CADPS: variants seen among roughly 807,000 people sequenced by gnomAD.
CADPS encodes the protein calcium-dependent secretion activator 1.
CADPS carries 57 observed loss-of-function variants against 167.3 expected under a neutral mutation model. That is an observed-to-expected ratio of 0.34 (90% CI 0.28 to 0.42). The LOEUF (loss-of-function observed/expected upper bound fraction) is 0.42, where lower values mean the gene tolerates loss of function less well. Among genes scored for constraint, CADPS ranks in the 20% least tolerant of loss-of-function variants. CADPS has a pLI of 1.00. For synonymous variants in CADPS, 676 were observed against 635.3 expected (o/e 1.06, Z -0.96); for missense variants, 1,414 against 1,738.1 (o/e 0.81, Z 3.32).
At chr3:62,573,085 T>C (rs1333805472) in intron 8 of CADPS, among the ~76,000 whole-genome samples, 1 of 152,178 alleles carries the variant, frequency 6.6e-6, no homozygotes, top group African/African-American at 2.4e-5. Context: ...TTTCACCATG[T>C]TGACTAGGCT....
chr3:62,757,475 G>C (rs955448280), intron 2 of CADPS, among the ~76,000 whole-genome samples: 5 of 152,100 alleles, frequency 3.3e-5, no homozygotes, highest in African/African-American at 1.2e-4. Context: ...TGGAATGAGT[G>C]AATGAACTAT....
intron 11 of CADPS, among the ~76,000 whole-genome samples, chr3:62,546,267 C>T (rs2076433226): frequency 6.6e-6 from 1 of 151,940 alleles, no homozygotes; most frequent in Admixed American, 6.6e-5. Flanking sequence ...TTCTTTACAA[C>T]TATGTTATGA....
At chr3:62,572,552 G>C (rs1311109071) in intron 8 of CADPS, among the ~76,000 whole-genome samples, 1 of 152,012 alleles carries the variant, frequency 6.6e-6, no homozygotes, top group Non-Finnish European at 1.5e-5. Context: ...TATATGAAAA[G>C]TGCCTCAAAC....
chr3:62,703,057 G>A (rs2081699493), intron 3 of CADPS, among the ~76,000 whole-genome samples: 2 of 152,066 alleles, frequency 1.3e-5, no homozygotes, highest in African/African-American at 4.8e-5. Context: ...TCATAATTAT[G>A]TCAGAATTCT....
chr3:62,510,357 G>A (rs1003370373), intron 17 of CADPS, among the ~76,000 whole-genome samples: 1 of 152,106 alleles, frequency 6.6e-6, no homozygotes, highest in Non-Finnish European at 1.5e-5. Flanking sequence ...CAGTGGAATC[G>A]TTATGATGCT....
chr3:62,599,743 ATAATC>A (rs375861661), intron 6 of CADPS, among the ~76,000 whole-genome samples: 2,906 of 35,004 alleles, frequency 0.083, 411 homozygotes, highest in Middle Eastern at 0.13. Context: ...TATAATATAT[ATAATC>A]TATTATATAT....
At position 62,543,823 on chromosome 3, in the gene CADPS, C is replaced by T. The variant is rs111978011; in HGVS notation, c.1966+6080G>A. Among the ~76,000 whole-genome samples, 438 of 152,192 alleles carry T rather than the reference C, an allele frequency of 2.9e-3. 4 individuals are homozygous for T. Among genetic ancestry groups the T allele is most frequent in the African/African-American group, 0.01 (416 of 41,532 alleles). On this transcript the variant is annotated intron_variant, in intron 11 of 29. Transcript: ENST00000383710. Reference sequence around the variant, plus strand: ...TCTAACGTCAAGTCTTTCCTCAACACATTTTTGGTTGATAGTTTTTTCCTA... The same window carrying T: ...TCTAACGTCAAGTCTTTCCTCAACATATTTTTGGTTGATAGTTTTTTCCTA...
intron 9 of CADPS, among the ~76,000 whole-genome samples, chr3:62,570,073 T>G (rs1373629799): frequency 2.0e-5 from 3 of 152,112 alleles, no homozygotes; most frequent in Non-Finnish European, 4.4e-5. Flanking sequence ...CCTGCAGCCT[T>G]GTTAAGAATA....
At chr3:62,468,165 A>G (rs1397716270) in intron 24 of CADPS, among the ~76,000 whole-genome samples, 1 of 152,206 alleles carries the variant, frequency 6.6e-6, no homozygotes, top group Non-Finnish European at 1.5e-5. Flanking sequence ...AGAAACACAA[A>G]GAAAGATGTC....
Position 62,517,846 on chromosome 3 carries a change from T to C in CADPS, c.2393+303A>G, listed in dbSNP as rs57781621. On this transcript the variant is annotated intron_variant, in intron 14 of 29. Transcript: ENST00000383710. ...GTTCTGATTCACAAGATTTTTTATT[T>C]ATTCATTTTTACTTAGGAACCTTGA... Among the ~76,000 whole-genome samples the C allele has an allele frequency of 2.3e-3, 345 of 152,304 alleles. 1 individual carries two copies. Among genetic ancestry groups the C allele is most frequent in the African/African-American group, 7.8e-3 (326 of 41,572 alleles).
chr3:62,804,323 C>G (rs540626287), intron 1 of CADPS, among the ~76,000 whole-genome samples: 2 of 152,072 alleles, frequency 1.3e-5, no homozygotes, highest in African/African-American at 2.4e-5. Context: ...GGACTCAGAG[C>G]CATCTTGAGG....
intron 3 of CADPS, among the ~76,000 whole-genome samples, chr3:62,673,257 G>T (rs1471499853): frequency 6.6e-6 from 1 of 152,188 alleles, no homozygotes; most frequent in African/African-American, 2.4e-5. Context: ...AGGAGTTAAG[G>T]TGATGTTTTT....
intron 3 of CADPS, among the ~76,000 whole-genome samples, chr3:62,721,844 T>C (rs472303): frequency 0.93 from 142,296 of 152,208 alleles, 66,558 homozygotes; most frequent in Non-Finnish European, 0.94. Context: ...GAAACAGAGG[T>C]AGGGGAAGTT....
chr3:62,737,255 C>A (rs2079163746), intron 3 of CADPS, among the ~76,000 whole-genome samples: 1 of 151,954 alleles, frequency 6.6e-6, no homozygotes, highest in South Asian at 2.1e-4. Flanking sequence ...TCGAGACCAG[C>A]CTGGGTAACA....
At chr3:62,767,665 T>C (rs949682295) in intron 1 of CADPS, among the ~76,000 whole-genome samples, 2 of 152,052 alleles carry the variant, frequency 1.3e-5, no homozygotes, top group Non-Finnish European at 2.9e-5. Flanking sequence ...TTGGAAGAAG[T>C]TGGGGAATAG....
chr3:62,651,811 A>G (rs1579652742), intron 4 of CADPS, among the ~76,000 whole-genome samples: 1 of 152,190 alleles, frequency 6.6e-6, no homozygotes, highest in East Asian at 1.9e-4. Flanking sequence ...CCAAACAGTC[A>G]TTTACCACTT....
chr3:62,765,469 G>A (rs944899719), intron 2 of CADPS, among the ~76,000 whole-genome samples: 2 of 152,128 alleles, frequency 1.3e-5, no homozygotes, highest in African/African-American at 2.4e-5. Context: ...TTAAAATGGT[G>A]TAAGTGGTGA....
intron 6 of CADPS, among the ~76,000 whole-genome samples, chr3:62,644,904 G>A (rs912957675): frequency 6.6e-6 from 1 of 152,118 alleles, no homozygotes; most frequent in Admixed American, 6.6e-5. Context: ...ATATATTTGT[G>A]CCATTACTTT....
chr3:62,721,141 A>ATTTTTT (rs1344195536), intron 3 of CADPS, among the ~76,000 whole-genome samples: 2 of 80,600 alleles, frequency 2.5e-5, no homozygotes, highest in African/African-American at 1.1e-4. Context: ...TTTTAAAAAA[A>ATTTTTT]AAAAGAAGAA....
Sources: allele counts gnomAD v4.1 joint callset (sites outside exome capture counted in the v4.1 genomes callset), GRCh38; gene constraint gnomAD v4.1.1; transcripts MANE v1.5; gene names NCBI Gene and HGNC (gene_info 2026-07-23, HGNC 2026-07-21).